PPIL6: variants seen among roughly 807,000 people sequenced by gnomAD.
PPIL6 encodes probable inactive peptidyl-prolyl cis-trans isomerase-like 6.
A neutral mutation model predicts 36.8 loss-of-function variants in PPIL6; 39 were observed. The ratio of observed to expected loss-of-function variants is 1.06; its 90% CI spans 0.82 to 1.38. The LOEUF is 1.38. PPIL6 is among the 40% of genes most tolerant of loss of function. The pLI, the probability that PPIL6 is intolerant of heterozygous loss-of-function variation, is 0.00. For missense variants in PPIL6, 368 were observed against 379.1 expected, an observed-to-expected ratio of 0.97 and a Z score of 0.24; for synonymous variants, 123 against 134.1, an observed-to-expected ratio of 0.92 and a Z score of 0.57.
chr6:109,419,095 G>T, intron 6 of PPIL6, 92 bp downstream of exon 6: 3 of 829,584 alleles, frequency 3.6e-6, no homozygotes, highest in South Asian at 1.5e-5. Context: ...ATTGCCCCCA[G>T]TGATATCTTA....
rs1008606662 is a variant in PPIL6 at position 109,393,889 on chromosome 6, T to C, written c.825-952A>G. ...CACCTTGCTTATATTAAGTTCTCTG[T>C]CGCTCCTTTAGAGAAGTTCCCAGGG... On this transcript the variant is annotated intron_variant, in intron 7 of 7. Transcript: ENST00000521072. 3.8e-4 allele frequency among the ~76,000 whole-genome samples: 58 copies of C among 152,370 alleles called. 1 individual carries two copies. The highest frequency in any genetic ancestry group is 1.3e-3 in the African/African-American group (53 of 41,592).
In PPIL6 at chr6:109,416,200, C is replaced by CTTT. The variant is rs35427534; in HGVS notation, c.688+2984_688+2986dup. ...TCTTACTAATAAATGTCTTTTGTGG[C>CTTT]TTTTTTTTTTTTTTTTTTTGAGACA... On this transcript the variant is annotated intron_variant, in intron 6 of 7. Coordinates refer to ENST00000521072, the MANE Select transcript of PPIL6 (RefSeq NM_173672.5). Among the ~76,000 whole-genome samples the CTTT allele has an allele frequency of 2.9e-4, 33 of 112,516 alleles. 2 individuals carry two copies. The highest frequency in any genetic ancestry group is 9.6e-4 in the African/African-American group (27 of 28,064). The allele number at this position is 112,516 out of a possible 152,430, so 73.8% of individuals were successfully genotyped here.
rs1449113572 is a variant in PPIL6, at chr6:109,439,627, G to C, written c.135+829C>G. On this transcript the variant is annotated intron_variant, in intron 1 of 7. Coordinates refer to ENST00000521072, the MANE Select transcript of PPIL6 (RefSeq NM_173672.5). The stretch of plus-strand genomic sequence containing the variant: ...GCTGAGATTATAGGCGTGAGTCACC[G>C]CGCCAAGATATCTTCTATTTGGGAA... 2.0e-5 allele frequency among the ~76,000 whole-genome samples: 3 copies of C among 152,186 alleles called. No individual in the cohort carries two copies. The East Asian group carries it at 5.8e-4, about 29-fold the overall frequency.
chr6:109,440,410 G>T, intron 1 of PPIL6, 46 bp downstream of exon 1: 2 of 1,528,946 alleles, frequency 1.3e-6, no homozygotes, highest in South Asian at 2.4e-5. Context: ...GGCCGAGAGC[G>T]GGTAGCGGGG....
intron 6 of PPIL6, among the ~76,000 whole-genome samples, chr6:109,408,360 A>G (rs1008090164): frequency 6.6e-6 from 1 of 152,140 alleles, no homozygotes; most frequent in Non-Finnish European, 1.5e-5. Context: ...TTAGGAAAAT[A>G]TGTCTTGGTG....
chr6:109,402,970 A>G, intron 6 of PPIL6: 1 of 1,051,808 alleles, frequency 9.5e-7, no homozygotes, highest in Non-Finnish European at 1.4e-6. Flanking sequence ...AGACAAGGGT[A>G]ATTTACGTGT....
rs146529754 is a variant in PPIL6 at position 109,423,328 on chromosome 6, C to T, written c.631+3519G>A. ...GTTGCAGTGAGCTGAGATGGTGCCA[C>T]GTAATCCAGCCTGGATGACGGAGCG... On this transcript the variant is annotated intron_variant, in intron 5 of 7. Transcript: ENST00000521072. Among the ~76,000 whole-genome samples, 116 of 152,022 alleles carry T rather than the reference C, an allele frequency of 7.6e-4. 1 individual carries two copies. In the East Asian group the frequency reaches 0.014, roughly 19 times the overall value.
intron 6 of PPIL6, among the ~76,000 whole-genome samples, chr6:109,415,290 G>A (rs1424763852): frequency 6.6e-6 from 1 of 152,140 alleles, no homozygotes; most frequent in Non-Finnish European, 1.5e-5. Context: ...TATCATAAAA[G>A]GGTCTATGTT....
chr6:109,430,449 G>A (rs1774075193), intron 3 of PPIL6, among the ~76,000 whole-genome samples: 1 of 148,286 alleles, frequency 6.7e-6, no homozygotes, highest in South Asian at 2.1e-4. Flanking sequence ...TTTTTTTTGA[G>A]ACGGAGTCTC....
chr6:109,410,203 T>A (rs902536511), intron 6 of PPIL6, among the ~76,000 whole-genome samples: 5 of 152,206 alleles, frequency 3.3e-5, no homozygotes, highest in African/African-American at 1.2e-4. Flanking sequence ...ATATTTTTCT[T>A]CTTCCTGATT....
intron 7 of PPIL6, among the ~76,000 whole-genome samples, chr6:109,396,364 G>A (rs1033553926): frequency 1.3e-5 from 2 of 152,138 alleles, no homozygotes; most frequent in South Asian, 4.1e-4. Flanking sequence ...TGAGGTTCCT[G>A]CTCAGCAGCA....
Position 109,413,158 on chromosome 6 carries a change from AAAACAAAC to A in PPIL6, c.688+6021_688+6028del, listed in dbSNP as rs905931573. The stretch of plus-strand genomic sequence containing the variant: ...GGGTGACAGAGTGAGACTCTGTCTC[AAAACAAAC>A]AAACAAACAAACAAAAACCCACAGA... On this transcript the variant is annotated intron_variant, in intron 6 of 7. Coordinates refer to ENST00000521072, the MANE Select transcript of PPIL6 (RefSeq NM_173672.5). The surrounding 1 kb of genome is among the most constrained non-coding windows in gnomAD (Gnocchi z 4.6). Among the ~76,000 whole-genome samples the A allele has an allele frequency of 6.6e-6, 1 of 152,126 alleles. No homozygotes were observed. The highest frequency in any genetic ancestry group is 2.4e-5 in the African/African-American group (1 of 41,422).
chr6:109,405,211 C>G (rs1225219690), intron 6 of PPIL6, among the ~76,000 whole-genome samples: 2 of 152,132 alleles, frequency 1.3e-5, no homozygotes, highest in Admixed American at 1.3e-4. Context: ...GGCTTCTGCC[C>G]AAAGTTCCTT....
At position 109,392,937 on chromosome 6, in the gene PPIL6, C is replaced by T; in HGVS notation, c.825G>A (p.Gly275=). The change falls in exon 8 of 8, where the codon GGG becomes GGA. Residue 275 remains glycine (G), a splice_region_variant and synonymous_variant. Coordinates refer to ENST00000521072, the MANE Select transcript of PPIL6 (RefSeq NM_173672.5). The stretch of plus-strand genomic sequence containing the variant: ...GCACTTCTGTTCCTTCAATCAGTTG[C>T]CTACATAGGAGAAAAAAATGGAAAA... The part of the protein sequence containing the change: ...PYLDRKFVAF[G]QLIEGTEVLK... 1 of 1,576,148 alleles carries T rather than the reference C, an allele frequency of 6.3e-7. No individual in the cohort carries two copies. The highest frequency in any genetic ancestry group is 8.6e-7 in the Non-Finnish European group (1 of 1,160,846).
At chr6:109,405,568 T>C (rs1175034486) in intron 6 of PPIL6, among the ~76,000 whole-genome samples, 2 of 152,230 alleles carry the variant, frequency 1.3e-5, no homozygotes, top group African/African-American at 2.4e-5. Context: ...GTTTTGAAAA[T>C]GCACATTTGC....
intron 3 of PPIL6, 137 bp from the exon 4 acceptor site, chr6:109,427,293 T>C: frequency 3.6e-6 from 2 of 550,180 alleles, no homozygotes; most frequent in Non-Finnish European, 6.5e-6. Context: ...AATATTACAG[T>C]AAAATTAAGT....
In PPIL6 at chr6:109,431,160, G is replaced by T. The variant is rs1018391290; in HGVS notation, c.417C>A (p.Thr139=). 3 of 1,594,532 alleles carry T rather than the reference G, an allele frequency of 1.9e-6. No individual in the cohort carries two copies. Among genetic ancestry groups the T allele is most frequent in the Non-Finnish European group, 2.6e-6 (3 of 1,166,990 alleles). ...TTTAAAAGTTAGTATAACTTGCCTT[G>T]GTGTCTCTTAAGAACTTAGCGGAAA... ...EDFSAKFLRD[T]KHDFVFLDIC... is the part of the protein sequence containing the mutation. The change falls in exon 3 of 8, where the codon ACC becomes ACA. Residue 139 remains threonine (T), a synonymous_variant. Coordinates refer to ENST00000521072, the MANE Select transcript of PPIL6 (RefSeq NM_173672.5).
intron 6 of PPIL6, among the ~76,000 whole-genome samples, chr6:109,409,970 C>T (rs1405332511): frequency 6.6e-6 from 1 of 152,208 alleles, no homozygotes; most frequent in Non-Finnish European, 1.5e-5. Flanking sequence ...AATGCAATCT[C>T]TATCAAAATA....
chr6:109,441,113 T>TC, upstream of PPIL6: 1 of 1,614,024 alleles, frequency 6.2e-7, no homozygotes, highest in Non-Finnish European at 8.5e-7. Flanking sequence ...CCCCTGGAGC[T>TC]CCCCAACCAT....
Sources: allele counts gnomAD v4.1 joint callset (sites outside exome capture counted in the v4.1 genomes callset), GRCh38; gene constraint gnomAD v4.1.1; non-coding constraint Gnocchi (gnomAD v3.1); transcripts MANE v1.5; gene names NCBI Gene and HGNC (gene_info 2026-07-23, HGNC 2026-07-21).